The following PALM2AKAP2 variants were observed in gnomAD, a reference collection of about 807,000 sequenced individuals.
PALM2AKAP2 encodes PALM2-AKAP2 fusion protein.
Under a neutral mutation model 71.5 loss-of-function variants are expected in PALM2AKAP2, and 37 were observed. That is an observed-to-expected ratio of 0.52 (90% CI 0.40 to 0.68). The LOEUF (loss-of-function observed/expected upper bound fraction) is 0.68, where lower values mean the gene tolerates loss of function less well. Among genes scored for constraint, PALM2AKAP2 ranks in the 30% least tolerant of loss-of-function variants. PALM2AKAP2 has a pLI of 0.00. For synonymous variants in PALM2AKAP2, 468 were observed against 478.8 expected (o/e 0.98, Z 0.29); for missense variants, 1,224 against 1,191.8 (o/e 1.03, Z -0.40).
intron 1 of PALM2AKAP2, among the ~76,000 whole-genome samples, chr9:109,843,562 A>G (rs1828768212): frequency 2.0e-5 from 3 of 152,196 alleles, no homozygotes; most frequent in African/African-American, 7.2e-5. Flanking sequence ...AATATTTTAC[A>G]GATTAGAGTA....
intron 1 of PALM2AKAP2, among the ~76,000 whole-genome samples, chr9:109,689,971 C>T (rs1827858242): frequency 6.6e-6 from 1 of 152,016 alleles, no homozygotes; most frequent in African/African-American, 2.4e-5. Flanking sequence ...GATAGAGAGT[C>T]TTCCATACAG....
chr9:109,808,516 T>C (rs1564158366), intron 1 of PALM2AKAP2, among the ~76,000 whole-genome samples: 1 of 152,236 alleles, frequency 6.6e-6, no homozygotes, highest in Admixed American at 6.5e-5. Context: ...GCATTCAGTT[T>C]TATATATTCA....
intron 1 of PALM2AKAP2, among the ~76,000 whole-genome samples, chr9:109,748,709 G>T (rs745954380): frequency 1.7e-4 from 26 of 152,110 alleles, no homozygotes; most frequent in Non-Finnish European, 3.8e-4. Flanking sequence ...GGCTTGCTAG[G>T]CTGCCATAAC....
chr9:110,028,568 G>A (rs1250152337), intron 7 of PALM2AKAP2, among the ~76,000 whole-genome samples: 1 of 152,168 alleles, frequency 6.6e-6, no homozygotes, highest in South Asian at 2.1e-4. Context: ...AGATCTCAAA[G>A]TGAGTGTGTG....
chr9:110,056,354 G>A (rs1033124307), intron 1 of PALM2AKAP2, among the ~76,000 whole-genome samples: 1 of 152,090 alleles, frequency 6.6e-6, no homozygotes, highest in Non-Finnish European at 1.5e-5. Flanking sequence ...TTTTGATACC[G>A]CCTACAAATG....
chr9:110,158,360 G>T (rs1311366497), intron 3 of PALM2AKAP2, among the ~76,000 whole-genome samples: 3 of 152,210 alleles, frequency 2.0e-5, no homozygotes, highest in Admixed American at 1.3e-4. Context: ...TGTGGATGGG[G>T]AAGAACAAGT....
chr9:109,899,027 C>A (rs868267658), intron 3 of PALM2AKAP2, among the ~76,000 whole-genome samples: 1 of 152,178 alleles, frequency 6.6e-6, no homozygotes, highest in African/African-American at 2.4e-5. Flanking sequence ...TTCTTCACTT[C>A]TCCCATTCTC....
chr9:109,854,184 G>A (rs1447489934), intron 1 of PALM2AKAP2, among the ~76,000 whole-genome samples: 1 of 152,218 alleles, frequency 6.6e-6, no homozygotes, highest in Non-Finnish European at 1.5e-5. Flanking sequence ...GCAGATCAGA[G>A]CCACTTCCCT....
At chr9:109,923,013 G>A (rs1830871880) in intron 3 of PALM2AKAP2, among the ~76,000 whole-genome samples, 1 of 152,192 alleles carries the variant, frequency 6.6e-6, no homozygotes, top group South Asian at 2.1e-4. Flanking sequence ...AGTAAATACT[G>A]GTGGTAATTA....
chr9:110,008,919 C>T (rs1198355206), intron 6 of PALM2AKAP2, among the ~76,000 whole-genome samples: 1 of 151,660 alleles, frequency 6.6e-6, no homozygotes, highest in Non-Finnish European at 1.5e-5. Context: ...TTGCTGCCCA[C>T]ATCCAATGGC....
At chr9:109,702,799 T>C (rs575380310) in intron 1 of PALM2AKAP2, among the ~76,000 whole-genome samples, 3 of 151,572 alleles carry the variant, frequency 2.0e-5, no homozygotes, top group Admixed American at 2.0e-4. Flanking sequence ...GATGTAACTT[T>C]TGTTTTTTAC....
intron 2 of PALM2AKAP2, among the ~76,000 whole-genome samples, chr9:110,148,096 C>T (rs1428424953): frequency 6.6e-6 from 1 of 151,984 alleles, no homozygotes; most frequent in Non-Finnish European, 1.5e-5. Flanking sequence ...CACAGCCAAG[C>T]CCACCATGCT....
At chr9:109,829,651 T>C (rs1294192117) in intron 1 of PALM2AKAP2, among the ~76,000 whole-genome samples, 1 of 151,506 alleles carries the variant, frequency 6.6e-6, no homozygotes, top group Admixed American at 6.6e-5. Flanking sequence ...CTGTCCTTTC[T>C]CTCTCTTCTT....
At chr9:109,842,972 C>A (rs753852637) in intron 1 of PALM2AKAP2, among the ~76,000 whole-genome samples, 65 of 151,948 alleles carry the variant, frequency 4.3e-4, no homozygotes, top group Admixed American at 5.2e-4. Context: ...GAAACCCCAT[C>A]TCTACTAAAA....
At chr9:109,879,314 G>A (rs1158265566) in intron 2 of PALM2AKAP2, among the ~76,000 whole-genome samples, 1 of 152,196 alleles carries the variant, frequency 6.6e-6, no homozygotes, top group Non-Finnish European at 1.5e-5. Context: ...TGGCTTAATA[G>A]TCATTGCTCC....
At chr9:109,652,291 G>C (rs1234135965) in intron 1 of PALM2AKAP2, among the ~76,000 whole-genome samples, 1 of 152,092 alleles carries the variant, frequency 6.6e-6, no homozygotes, top group Non-Finnish European at 1.5e-5. Context: ...AGTCATGAGG[G>C]TGGATCCCTC....
chr9:110,047,107 G>A (rs184897444), upstream of PALM2AKAP2, among the ~76,000 whole-genome samples: 4 of 152,284 alleles, frequency 2.6e-5, no homozygotes, highest in Admixed American at 2.0e-4. Context: ...GAAAAGGAAG[G>A]AAGGAAGAAA....
intron 6 of PALM2AKAP2, among the ~76,000 whole-genome samples, chr9:109,940,418 G>A (rs1418462592): frequency 6.6e-6 from 1 of 152,082 alleles, no homozygotes; most frequent in Non-Finnish European, 1.5e-5. Flanking sequence ...TTAATCAATG[G>A]GCCATATTTG....
At chr9:109,918,144 G>A (rs1830738367) in intron 3 of PALM2AKAP2, among the ~76,000 whole-genome samples, 1 of 152,186 alleles carries the variant, frequency 6.6e-6, no homozygotes, top group Admixed American at 6.5e-5. Flanking sequence ...AGTCTCATGA[G>A]CAGACACTGT....
Sources: allele counts gnomAD v4.1 joint callset (sites outside exome capture counted in the v4.1 genomes callset), GRCh38; gene constraint gnomAD v4.1.1; transcripts MANE v1.5; gene names NCBI Gene and HGNC (gene_info 2026-07-23, HGNC 2026-07-21).